Variants in PRKAR1B observed in about 807,000 individuals in gnomAD.
PRKAR1B encodes the protein cAMP-dependent protein kinase type I-beta regulatory subunit.
A neutral mutation model predicts 46.5 loss-of-function variants in PRKAR1B; 22 were observed. The ratio of observed to expected loss-of-function variants is 0.47; its 90% CI spans 0.34 to 0.68. The LOEUF (loss-of-function observed/expected upper bound fraction) is 0.68, where lower values mean the gene tolerates loss of function less well. Among genes scored for constraint, PRKAR1B ranks in the 30% least tolerant of loss-of-function variants. The pLI is 0.01. For synonymous variants in PRKAR1B, 259 were observed against 217.7 expected (o/e 1.19, Z -1.67); for missense variants, 445 against 535.6 (o/e 0.83, Z 1.67).
At chr7:566,566 A>AC (rs1291502123) in intron 9 of PRKAR1B, among the ~76,000 whole-genome samples, 11 of 44,096 alleles carry the variant, frequency 2.5e-4, no homozygotes, top group Admixed American at 4.3e-4. Flanking sequence ...CATCACCTTC[A>AC]CATCACCATT....
chr7:607,564 A>T (rs1782168757), intron 4 of PRKAR1B, 112 bp from the exon 5 acceptor site: 3 of 952,058 alleles, frequency 3.2e-6, no homozygotes, highest in Admixed American at 4.1e-5. Flanking sequence ...ATTGGGGAAA[A>T]TGAGAAAATC....
intron 2 of PRKAR1B, among the ~76,000 whole-genome samples, chr7:710,466 G>C (rs2128528357): frequency 6.6e-6 from 1 of 152,194 alleles, no homozygotes; most frequent in South Asian, 2.1e-4. Context: ...CCCAGATGCA[G>C]GAGGCCAGGA....
intron 4 of PRKAR1B, among the ~76,000 whole-genome samples, chr7:659,183 C>T (rs936106588): frequency 6.6e-6 from 1 of 152,194 alleles, no homozygotes; most frequent in African/African-American, 2.4e-5. Flanking sequence ...TTCAGCACGT[C>T]TCACTGCCTC....
chr7:582,964 G>A (rs927540076), intron 8 of PRKAR1B, among the ~76,000 whole-genome samples: 1 of 152,224 alleles, frequency 6.6e-6, no homozygotes, highest in African/African-American at 2.4e-5. Flanking sequence ...ATTAAAACCA[G>A]ACACAAAGCC....
intron 4 of PRKAR1B, 99 bp from the exon 5 acceptor site, chr7:607,551 G>T: frequency 1.9e-6 from 2 of 1,033,858 alleles, no homozygotes; most frequent in Non-Finnish European, 3.0e-6. Context: ...TCGCTTCACA[G>T]TCATTGGGGA....
chr7:692,731 G>A (rs1779504300), intron 2 of PRKAR1B, among the ~76,000 whole-genome samples: 1 of 152,152 alleles, frequency 6.6e-6, no homozygotes, highest in Non-Finnish European at 1.5e-5. Flanking sequence ...ATTGCCTCCT[G>A]AAGGTTGGGG....
At chr7:564,434 T>G (rs1477855281) in intron 9 of PRKAR1B, among the ~76,000 whole-genome samples, 24 of 152,216 alleles carry the variant, frequency 1.6e-4, no homozygotes, top group Admixed American at 1.6e-3. Context: ...TCTCCGTGGC[T>G]CGAAGCTTTG....
intron 4 of PRKAR1B, among the ~76,000 whole-genome samples, chr7:654,859 T>C (rs915608609): frequency 1.3e-5 from 2 of 152,110 alleles, no homozygotes; most frequent in Admixed American, 6.5e-5. Context: ...CCAACACTCA[T>C]TATCACCATC....
At chr7:727,478 GC>G (rs1359238568), upstream of PRKAR1B, 1 of 291,076 alleles carries the variant, frequency 3.4e-6, no homozygotes, top group African/African-American at 3.0e-5. Context: ...CCACCCGCCT[GC>G]CCCAAAGCAC....
At position 560,481 on chromosome 7, in the gene PRKAR1B, C is replaced by T. The variant is rs944126202; in HGVS notation, c.892-9011G>A. Among the ~76,000 whole-genome samples, 1 of 152,122 alleles carries T rather than the reference C, an allele frequency of 6.6e-6. No homozygotes were observed. Among genetic ancestry groups the T allele is most frequent in the African/African-American group, 2.4e-5 (1 of 41,422 alleles). ...TAAAAAGTAACTAAAAGATTAAGCACAGCTGGAAAGGTGTTCAACACACGA... is the reference window on the plus strand; with the variant it reads ...TAAAAAGTAACTAAAAGATTAAGCATAGCTGGAAAGGTGTTCAACACACGA... On this transcript the variant is annotated intron_variant, in intron 9 of 10. Coordinates refer to ENST00000537384, the MANE Select transcript of PRKAR1B (RefSeq NM_001164760.2). This position sits in a 1 kb window ranked among gnomAD's most constrained non-coding sequence, Gnocchi z 4.2.
At chr7:728,698 A>G (rs969432572), upstream of PRKAR1B, among the ~76,000 whole-genome samples, 1 of 152,196 alleles carries the variant, frequency 6.6e-6, no homozygotes, top group Non-Finnish European at 1.5e-5. Context: ...ACAGGACAGC[A>G]CTGTGCCCAT....
intron 2 of PRKAR1B, among the ~76,000 whole-genome samples, chr7:688,430 T>G (rs1478127861): frequency 6.6e-6 from 1 of 150,720 alleles, no homozygotes; most frequent in Non-Finnish European, 1.5e-5. Context: ...CAAGACAGAT[T>G]GCACACTCCC....
At chr7:727,537 T>G, upstream of PRKAR1B, 2 of 241,294 alleles carry the variant, frequency 8.3e-6, no homozygotes, top group East Asian at 7.1e-5. Context: ...CTGCCTCACG[T>G]CCCGCCACCA....
At chr7:648,921 T>C (rs1784755256) in intron 4 of PRKAR1B, among the ~76,000 whole-genome samples, 1 of 152,192 alleles carries the variant, frequency 6.6e-6, no homozygotes, top group South Asian at 2.1e-4. Context: ...CCCAGCACTT[T>C]GGGAGGCCGA....
rs1354952302 is a variant in PRKAR1B, at chr7:714,248, TC to T, written c.-22-2722del. Among the ~76,000 whole-genome samples the T allele has an allele frequency of 2.0e-5, 3 of 152,138 alleles. No homozygotes were observed. Among genetic ancestry groups the T allele is most frequent in the Non-Finnish European group, 4.4e-5 (3 of 68,030 alleles). On this transcript the variant is annotated intron_variant, in intron 1 of 10. Transcript: ENST00000537384. This position sits in a 1 kb window ranked among gnomAD's most constrained non-coding sequence, Gnocchi z 4.3. ...GGCTGTCCTGGGGTTCTCTGGAGAC[TC>T]CCTGTAAAGACTTCCCCCACACCGT...
chr7:707,068 A>G (rs4451215), intron 2 of PRKAR1B, among the ~76,000 whole-genome samples: 97,720 of 151,606 alleles, frequency 0.64, 31,606 homozygotes, highest in Admixed American at 0.68. Context: ...CTGGTCCAGA[A>G]CACGCAGCAG....
intron 7 of PRKAR1B, among the ~76,000 whole-genome samples, chr7:587,326 G>A (rs1352377502): frequency 6.6e-6 from 1 of 152,210 alleles, no homozygotes; most frequent in African/African-American, 2.4e-5. Flanking sequence ...TGTTTACTGA[G>A]TGCCCTGGAC....
intron 4 of PRKAR1B, among the ~76,000 whole-genome samples, chr7:670,206 C>A (rs1750120710): frequency 6.6e-6 from 1 of 152,092 alleles, no homozygotes; most frequent in African/African-American, 2.4e-5. Context: ...GTAAACATTG[C>A]ACATGCAGGG....
At chr7:689,562 C>T (rs1779295091) in intron 2 of PRKAR1B, among the ~76,000 whole-genome samples, 1 of 152,066 alleles carries the variant, frequency 6.6e-6, no homozygotes. Flanking sequence ...AAACACTTTC[C>T]TTCTTTTCTT....
Sources: allele counts gnomAD v4.1 joint callset (sites outside exome capture counted in the v4.1 genomes callset), GRCh38; gene constraint gnomAD v4.1.1; non-coding constraint Gnocchi (gnomAD v3.1); transcripts MANE v1.5; gene names NCBI Gene and HGNC (gene_info 2026-07-23, HGNC 2026-07-21).